The following GARIN2 variants were observed in gnomAD, a reference collection of about 807,000 sequenced individuals.
The protein encoded by GARIN2 is Golgi-associated RAB2 interactor protein 2.
At chr14:67,225,076 C>G in the GARIN2 span, 1 of 1,505,592 alleles carries the variant, frequency 6.6e-7, no homozygotes, top group Non-Finnish European at 8.9e-7. Flanking sequence ...CTCTATTGAT[C>G]TCTCCTTTAC....
chr14:67,220,489 C>G, the GARIN2 span, among the ~76,000 whole-genome samples: 3 of 151,784 alleles, frequency 2.0e-5, no homozygotes, highest in Admixed American at 2.0e-4. Context: ...ATATTGTGCC[C>G]TCAGATTTAC....
At chr14:67,225,090 C>T in the GARIN2 span, 9 of 1,538,460 alleles carry the variant, frequency 5.9e-6, no homozygotes, top group Non-Finnish European at 7.9e-6. Flanking sequence ...CCTTTACTTT[C>T]CTTATTCTTT....
chr14:67,192,388 C>G, the GARIN2 span, among the ~76,000 whole-genome samples: 1 of 151,580 alleles, frequency 6.6e-6, no homozygotes. Context: ...CTTTTATTTC[C>G]CTACCTAACA....
the GARIN2 span, chr14:67,204,952 G>A: frequency 5.0e-6 from 8 of 1,607,390 alleles, no homozygotes; most frequent in African/African-American, 1.1e-4. Flanking sequence ...AGAGGTCCCG[G>A]ATGTAAGAAT....
the GARIN2 span, among the ~76,000 whole-genome samples, chr14:67,190,226 T>C: frequency 8.1e-6 from 1 of 123,722 alleles, no homozygotes; most frequent in South Asian, 2.5e-4. Context: ...TTTGTTCTTT[T>C]CTTTTTTTTT....
the GARIN2 span, chr14:67,221,791 T>C: frequency 6.2e-7 from 1 of 1,613,442 alleles, no homozygotes. Flanking sequence ...GCTTGAGAAC[T>C]GAATCAAACA....
the GARIN2 span, chr14:67,224,031 C>T: frequency 5.2e-6 from 5 of 957,788 alleles, no homozygotes; most frequent in African/African-American, 1.8e-5. Context: ...CATTATTAAG[C>T]TCATCTGATT....
the GARIN2 span, among the ~76,000 whole-genome samples, chr14:67,225,997 A>T: frequency 6.7e-6 from 1 of 148,796 alleles, no homozygotes; most frequent in Non-Finnish European, 1.5e-5. Context: ...GTGCATGCTC[A>T]TAAGGGCTGA....
chr14:67,217,349 A>T, the GARIN2 span, among the ~76,000 whole-genome samples: 5 of 152,146 alleles, frequency 3.3e-5, no homozygotes, highest in South Asian at 2.1e-4. Flanking sequence ...GTCATTTTTT[A>T]AAAAATCCAT....
chr14:67,198,116 T>C, the GARIN2 span: 2 of 1,587,896 alleles, frequency 1.3e-6, no homozygotes, highest in Non-Finnish European at 1.7e-6. Context: ...TATCCACTAA[T>C]TGTGTTTCCA....
chr14:67,203,043 C>A, the GARIN2 span: 1 of 1,570,638 alleles, frequency 6.4e-7, no homozygotes, highest in Non-Finnish European at 8.6e-7. Flanking sequence ...GCAAGGTTGT[C>A]AAAGCCACAC....
chr14:67,199,213 G>A, the GARIN2 span: 8 of 1,607,306 alleles, frequency 5.0e-6, no homozygotes, highest in Non-Finnish European at 6.8e-6. Context: ...AGAGTCACTG[G>A]CCAGCACCAA....
chr14:67,203,080 T>G, the GARIN2 span: 1 of 1,607,852 alleles, frequency 6.2e-7, no homozygotes, highest in Non-Finnish European at 8.5e-7. Flanking sequence ...CCTTTTCCTG[T>G]TTTCTGCACT....
At chr14:67,211,724 A>C in the GARIN2 span, among the ~76,000 whole-genome samples, 1 of 152,154 alleles carries the variant, frequency 6.6e-6, no homozygotes, top group Non-Finnish European at 1.5e-5. Flanking sequence ...GGGCAACTTA[A>C]CAAAACCCTG....
the GARIN2 span, among the ~76,000 whole-genome samples, chr14:67,216,271 G>A: frequency 6.6e-6 from 1 of 152,034 alleles, no homozygotes; most frequent in Non-Finnish European, 1.5e-5. Flanking sequence ...ATTCATCTGG[G>A]ATACTAACCT....
At chr14:67,216,392 C>T in the GARIN2 span, among the ~76,000 whole-genome samples, 1 of 151,712 alleles carries the variant, frequency 6.6e-6, no homozygotes, top group Non-Finnish European at 1.5e-5. Flanking sequence ...TTTTTTCAGT[C>T]TCCATTTCAT....
At chr14:67,200,289 G>C in the GARIN2 span, 1 of 690,218 alleles carries the variant, frequency 1.4e-6, no homozygotes, top group Admixed American at 3.1e-5. Flanking sequence ...GCCACCAGTT[G>C]CCCCTCGAGG....
At chr14:67,191,359 A>G in the GARIN2 span, among the ~76,000 whole-genome samples, 1 of 152,244 alleles carries the variant, frequency 6.6e-6, no homozygotes, top group Non-Finnish European at 1.5e-5. Flanking sequence ...TTATAATAAA[A>G]TATTGGAGGG....
chr14:67,199,248 G>A, the GARIN2 span: 6 of 1,600,566 alleles, frequency 3.7e-6, no homozygotes, highest in South Asian at 1.1e-5. Context: ...GAATTCTTGA[G>A]TGAGGATGAT....
Sources: gnomAD v4.1 joint callset for allele counts (sites outside exome capture counted in the v4.1 genomes callset) on GRCh38, gnomAD v4.1.1 for gene constraint, MANE v1.5 for transcripts, NCBI Gene and HGNC (gene_info 2026-07-23, HGNC 2026-07-21) for gene names.